VAT1L: variants seen among roughly 807,000 people sequenced by gnomAD.
The protein encoded by VAT1L is vesicle amine transport 1 like.
Under a neutral mutation model 44.1 loss-of-function variants are expected in VAT1L, and 34 were observed. The ratio of observed to expected loss-of-function variants is 0.77; its 90% CI spans 0.59 to 1.03. VAT1L has a LOEUF of 1.03. Among genes scored for constraint, VAT1L ranks in the 50% least tolerant of loss-of-function variants. The pLI is 0.00. For missense variants in VAT1L, 615 were observed against 538.8 expected (o/e 1.14, Z -1.40); for synonymous variants, 253 against 202.2 (o/e 1.25, Z -2.13).
chr16:77,941,335 C>T (rs752086034), intron 7 of VAT1L, among the ~76,000 whole-genome samples: 18 of 152,150 alleles, frequency 1.2e-4, no homozygotes, highest in Admixed American at 9.2e-4. Flanking sequence ...TCCTACTCAC[C>T]GAAACAGATT....
At position 77,878,073 on chromosome 16, in the gene VAT1L, T is replaced by C. The variant is rs140862358; in HGVS notation, c.827-1096T>C. 4.7e-3 allele frequency among the ~76,000 whole-genome samples: 723 copies of C among 152,344 alleles called. 6 individuals are homozygous for C. Among genetic ancestry groups the C allele is most frequent in the African/African-American group, 0.016 (681 of 41,574 alleles). On this transcript the variant is annotated intron_variant, in intron 5 of 8. Coordinates refer to ENST00000302536, the MANE Select transcript of VAT1L (RefSeq NM_020927.3). ...TCATTTTGGTGAAATTCAACTTGAT[T>C]AATCCCATGTGAGTAGTTCACAATT...
At chr16:77,917,738 C>G (rs532335240) in intron 7 of VAT1L, among the ~76,000 whole-genome samples, 72 of 152,168 alleles carry the variant, frequency 4.7e-4, no homozygotes, top group African/African-American at 1.6e-3. Context: ...CCAGTAAATT[C>G]CAGAGAATGT....
At chr16:77,942,666 G>T (rs1324608525) in intron 7 of VAT1L, among the ~76,000 whole-genome samples, 1 of 152,154 alleles carries the variant, frequency 6.6e-6, no homozygotes, top group African/African-American at 2.4e-5. Context: ...AGGCCACAGG[G>T]TCACTTACAT....
chr16:77,932,631 A>C (rs1475325450), intron 7 of VAT1L, among the ~76,000 whole-genome samples: 5 of 152,212 alleles, frequency 3.3e-5, no homozygotes, highest in African/African-American at 1.2e-4. Context: ...TTGAGAGAAA[A>C]GCAGGACAGT....
At chr16:77,790,017 T>C (rs1252433168) in intron 1 of VAT1L, among the ~76,000 whole-genome samples, 1 of 152,128 alleles carries the variant, frequency 6.6e-6, no homozygotes, top group East Asian at 1.9e-4. Flanking sequence ...CCCCAGTACA[T>C]ACTGCTCTCC....
At chr16:77,849,604 C>T (rs539814408) in intron 3 of VAT1L, among the ~76,000 whole-genome samples, 37 of 152,246 alleles carry the variant, frequency 2.4e-4, no homozygotes, top group Admixed American at 6.5e-4. Flanking sequence ...TAGGAAACAG[C>T]GGGACATAGA....
intron 1 of VAT1L, among the ~76,000 whole-genome samples, chr16:77,794,937 G>A (rs555400667): frequency 3.3e-4 from 50 of 152,208 alleles, no homozygotes; most frequent in African/African-American, 9.2e-4. Context: ...GACAATATCC[G>A]CTCTTTATCC....
chr16:77,884,499 C>A lies in VAT1L; in HGVS notation c.883-109C>A. 9.4e-7 allele frequency: 1 copy of A among 1,064,864 alleles called. No individual in the cohort carries two copies. Among genetic ancestry groups the A allele is most frequent in the Non-Finnish European group, 1.3e-6 (1 of 757,434 alleles). 66.0% of individuals were successfully genotyped at this position (1,064,864 alleles called of 1,614,324 possible). On this transcript the variant is annotated intron_variant, in intron 6 of 8. Transcript: ENST00000302536. The surrounding 1 kb of genome is among the most constrained non-coding windows in gnomAD (Gnocchi z 4.5). Reference sequence around the variant, plus strand: ...CCTTGGCCAGCTGGAATCTGCTGAGCTGCAGCCCCACGTTCCCCCTGTAGT... The same window carrying A: ...CCTTGGCCAGCTGGAATCTGCTGAGATGCAGCCCCACGTTCCCCCTGTAGT...
At chr16:77,946,279 C>CTTTTGTTTTTTTTTTT (rs1555521583) in intron 7 of VAT1L, among the ~76,000 whole-genome samples, 1 of 70,428 alleles carries the variant, frequency 1.4e-5, no homozygotes, top group African/African-American at 5.3e-5. Flanking sequence ...GTTACTTGTT[C>CTTTTGTTTTTTTTTTT]TTTTTTTTTT....
chr16:77,823,005 G>A (rs2016477308), intron 2 of VAT1L, among the ~76,000 whole-genome samples: 3 of 152,038 alleles, frequency 2.0e-5, no homozygotes, highest in Non-Finnish European at 4.4e-5. Context: ...CATTACCCAG[G>A]TCTGAATGGT....
At chr16:77,938,097 C>A (rs907637745) in intron 7 of VAT1L, among the ~76,000 whole-genome samples, 8 of 152,118 alleles carry the variant, frequency 5.3e-5, no homozygotes, top group African/African-American at 1.9e-4. Flanking sequence ...ACATGTGGAC[C>A]ACTTGGGACC....
chr16:77,838,510 C>A (rs114027209), intron 3 of VAT1L, among the ~76,000 whole-genome samples: 1 of 152,072 alleles, frequency 6.6e-6, no homozygotes, highest in African/African-American at 2.4e-5. Flanking sequence ...CACTCACCCC[C>A]CTGCTCTCAA....
At chr16:77,852,127 C>T (rs897332986) in intron 3 of VAT1L, among the ~76,000 whole-genome samples, 1 of 152,170 alleles carries the variant, frequency 6.6e-6, no homozygotes, top group Non-Finnish European at 1.5e-5. Flanking sequence ...CGGGGCTGCC[C>T]GTCCTTATTG....
chr16:77,970,573 T>G (rs1348931594), intron 7 of VAT1L, among the ~76,000 whole-genome samples: 1 of 152,214 alleles, frequency 6.6e-6, no homozygotes, highest in African/African-American at 2.4e-5. Flanking sequence ...TTCCTTTCAG[T>G]AGACACATGT....
intron 3 of VAT1L, among the ~76,000 whole-genome samples, chr16:77,841,176 G>C (rs1160243937): frequency 6.6e-6 from 1 of 152,156 alleles, no homozygotes; most frequent in Non-Finnish European, 1.5e-5. Context: ...AACTTTCTGG[G>C]CTCAAACAAT....
At chr16:77,896,725 G>C (rs994943064) in intron 7 of VAT1L, among the ~76,000 whole-genome samples, 48 of 152,236 alleles carry the variant, frequency 3.2e-4, no homozygotes, top group Non-Finnish European at 3.8e-4. Context: ...TACACCAGGA[G>C]ACCAGCGTGT....
intron 3 of VAT1L, among the ~76,000 whole-genome samples, chr16:77,851,475 C>G (rs2016808238): frequency 6.6e-6 from 1 of 151,878 alleles, no homozygotes; most frequent in African/African-American, 2.4e-5. Context: ...ATAGTGAGAC[C>G]CTGTCTCTAC....
chr16:77,810,138 G>T (rs1475700313), intron 1 of VAT1L, among the ~76,000 whole-genome samples: 1 of 152,154 alleles, frequency 6.6e-6, no homozygotes, highest in Non-Finnish European at 1.5e-5. Context: ...AGGACAATGA[G>T]AACTTTTCAT....
At chr16:77,894,512 G>C (rs551411000) in intron 7 of VAT1L, among the ~76,000 whole-genome samples, 101 of 152,264 alleles carry the variant, frequency 6.6e-4, no homozygotes, top group African/African-American at 2.4e-3. Context: ...GGTCACAGGA[G>C]GGCTATTTAG....
Sources: gnomAD v4.1 joint callset for allele counts (sites outside exome capture counted in the v4.1 genomes callset) on GRCh38, gnomAD v4.1.1 for gene constraint, Gnocchi (gnomAD v3.1) non-coding constraint, MANE v1.5 for transcripts, NCBI Gene and HGNC (gene_info 2026-07-23, HGNC 2026-07-21) for gene names.